Variants in NEXMIF observed in about 807,000 individuals in gnomAD.
NEXMIF encodes XLMR protein related to neurite extension.
Under a neutral mutation model 62.1 loss-of-function variants are expected in NEXMIF, and 8 were observed. That is an observed-to-expected ratio of 0.13 (90% CI 0.08 to 0.23). The LOEUF (loss-of-function observed/expected upper bound fraction) is 0.23. Among genes scored for constraint, NEXMIF ranks in the 10% least tolerant of loss-of-function variants. The pLI is 1.00. For missense variants in NEXMIF, 976 were observed against 1,113.3 expected (o/e 0.88, Z 1.75); for synonymous variants, 404 against 416.6 (o/e 0.97, Z 0.37).
At chrX:74,863,441 C>G (rs973865621) in intron 1 of NEXMIF, among the ~76,000 whole-genome samples, 5 of 111,337 alleles carry the variant, frequency 4.5e-5, no homozygotes, top group African/African-American at 1.6e-4. Flanking sequence ...AAAGATATCA[C>G]CACTGACTCC....
chrX:74,823,880 A>G (rs752218933), intron 1 of NEXMIF, among the ~76,000 whole-genome samples: 11 of 111,678 alleles, frequency 9.8e-5, no homozygotes, highest in African/African-American at 1.9e-4. Flanking sequence ...ATTCTTGCAA[A>G]TTTTCTGTAA....
chrX:74,836,037 G>C (rs1044935393), intron 1 of NEXMIF, among the ~76,000 whole-genome samples: 1 of 112,805 alleles, frequency 8.9e-6, no homozygotes, highest in Non-Finnish European at 1.9e-5. Context: ...CAGGCAGAGA[G>C]GCCTCTCCCT....
rs2147438927 is a variant in NEXMIF, at chrX:74,740,398, C to T, written c.4159G>A (p.Gly1387Arg). 14 of 1,211,738 alleles carry T rather than the reference C, an allele frequency of 1.2e-5. No individual in the cohort carries two copies. Among genetic ancestry groups the T allele is most frequent in the Non-Finnish European group, 1.6e-5 (14 of 895,497 alleles). ...ATTGACCTGTGATTCTTAGTGGCTC[C>T]TTGGGACCCACTGTTGATCTTTTTC... The part of the protein sequence containing the change: ...SKKKINSGSQ[G>R]ATKNHRSIKG... Residue 1387 changes from glycine (G) to arginine (R), a missense_variant, in exon 3 of 4, where the codon GGA becomes AGA. Physicochemically the swap from Gly to Arg is moderately radical, Grantham distance 125 (BLOSUM62 -2). This residue lies in a region of NEXMIF where 137 missense variants were observed against 128.9 expected (regional missense o/e 1.06). Transcript: ENST00000055682.
At chrX:74,815,932 C>A (rs1439129849) in intron 1 of NEXMIF, among the ~76,000 whole-genome samples, 1 of 111,336 alleles carries the variant, frequency 9.0e-6, no homozygotes, top group Non-Finnish European at 1.9e-5. Flanking sequence ...CCGTGCCTGG[C>A]CTACAACTAC....
intron 1 of NEXMIF, among the ~76,000 whole-genome samples, chrX:74,887,929 A>C (rs35426093): frequency 0.15 from 16,450 of 111,896 alleles, 1,790 homozygotes; most frequent in East Asian, 0.91. Flanking sequence ...GGATTAAGAA[A>C]ATGTGGCACA....
intron 1 of NEXMIF, among the ~76,000 whole-genome samples, chrX:74,812,305 C>T (rs1018949151): frequency 2.7e-5 from 3 of 111,904 alleles, no homozygotes; most frequent in Non-Finnish European, 3.8e-5. Flanking sequence ...CACACATATA[C>T]ATATATCTCT....
At chrX:74,829,854 T>A (rs1014878714) in intron 1 of NEXMIF, among the ~76,000 whole-genome samples, 1 of 112,204 alleles carries the variant, frequency 8.9e-6, no homozygotes, top group East Asian at 2.8e-4. Context: ...TTCTTCTTTT[T>A]GGAAATGTCT....
intron 1 of NEXMIF, among the ~76,000 whole-genome samples, chrX:74,750,930 A>C (rs2080140143): frequency 9.0e-6 from 1 of 111,664 alleles, no homozygotes; most frequent in African/African-American, 3.3e-5. Context: ...TCTCATGATA[A>C]AGATTCCAAA....
rs2080087840 is a variant in NEXMIF at position 74,737,273 on chromosome X, A to AAACAAT, written c.*2131_*2132insATTGTT. ...AAATCAAAAACAAAAACAAAAACAA[A>AAACAAT]ACAAAGACCAGTTTCTAGGGACTGG... is the stretch of plus-strand genomic sequence containing the variant. On this transcript the variant is annotated 3_prime_UTR_variant, in exon 4 of 4. Transcript: ENST00000055682. The AAACAAT allele has an allele frequency of 9.0e-6, 1 of 111,349 alleles. No individual in the cohort carries two copies. Among genetic ancestry groups the AAACAAT allele is most frequent in the South Asian group, 3.8e-4 (1 of 2,644 alleles). 9.2% of individuals were successfully genotyped at this position (111,349 alleles called of 1,213,427 possible).
rs767339824 is a variant in NEXMIF at position 74,877,783 on chromosome X, C to T, written c.-48+47100G>A. 8.0e-5 allele frequency among the ~76,000 whole-genome samples: 9 copies of T among 112,015 alleles called. No homozygotes were observed. The South Asian group carries it at 2.6e-3, about 33-fold the overall frequency. ...TACCGTTTCTTGCAGTTGATCGCAT[C>T]GGCTCCTGAGGCTTCTGCATTCTTC... On this transcript the variant is annotated intron_variant, in intron 1 of 3. Coordinates refer to ENST00000055682, the MANE Select transcript of NEXMIF (RefSeq NM_001008537.3).
intron 1 of NEXMIF, among the ~76,000 whole-genome samples, chrX:74,873,496 G>T (rs1219288653): frequency 8.9e-6 from 1 of 112,013 alleles, no homozygotes; most frequent in East Asian, 2.8e-4. Flanking sequence ...AGTCCTTTGG[G>T]TATATACCCA....
chrX:74,838,456 T>C (rs1426805396), intron 1 of NEXMIF, among the ~76,000 whole-genome samples: 1 of 112,670 alleles, frequency 8.9e-6, no homozygotes, highest in Non-Finnish European at 1.9e-5. Flanking sequence ...AATCAGGTTT[T>C]TAAAGCATAC....
At chrX:74,747,315 G>T (rs771857117) in intron 1 of NEXMIF, among the ~76,000 whole-genome samples, 84 of 111,381 alleles carry the variant, frequency 7.5e-4, no homozygotes, top group Non-Finnish European at 3.8e-4. Context: ...CCAAGGTATG[G>T]AAAGAGAGAC....
At chrX:74,799,202 C>T (rs2080321681) in intron 1 of NEXMIF, among the ~76,000 whole-genome samples, 1 of 110,344 alleles carries the variant, frequency 9.1e-6, no homozygotes, top group South Asian at 3.9e-4. Context: ...GTTGTTGAGT[C>T]AATAAAACTA....
chrX:74,900,179 A>C (rs2147369055), intron 1 of NEXMIF, among the ~76,000 whole-genome samples: 1 of 111,412 alleles, frequency 9.0e-6, no homozygotes, highest in Admixed American at 9.5e-5. Context: ...TATTGAAAAA[A>C]CAGGGCCAGG....
chrX:74,921,324 C>A (rs1277730465), intron 1 of NEXMIF, among the ~76,000 whole-genome samples: 1 of 111,075 alleles, frequency 9.0e-6, no homozygotes, highest in Non-Finnish European at 1.9e-5. Flanking sequence ...CTTTCCCCAA[C>A]CCTCCACTTT....
intron 1 of NEXMIF, among the ~76,000 whole-genome samples, chrX:74,808,596 A>T (rs1345097978): frequency 1.8e-5 from 2 of 112,161 alleles, no homozygotes; most frequent in African/African-American, 6.5e-5. Context: ...TAAGTTAGGA[A>T]GTATTCCATC....
At position 74,740,253 on chromosome X, in the gene NEXMIF, C is replaced by T. The variant is rs1191839167; in HGVS notation, c.4304G>A (p.Ser1435Asn). 1 of 1,211,379 alleles carries T rather than the reference C, an allele frequency of 8.3e-7. No homozygotes were observed. Among genetic ancestry groups the T allele is most frequent in the African/African-American group, 1.7e-5 (1 of 57,635 alleles). The change falls in exon 3 of 4, where the codon AGC becomes AAC. Residue 1435 changes from serine to asparagine, a missense_variant. This residue lies in a region of NEXMIF where 137 missense variants were observed against 128.9 expected (regional missense o/e 1.06). Transcript: ENST00000055682. ...TGTCGGTCCGTTATTGCCTAAAGTG[C>T]TCATGTTACTATACTTTTTATCAAA... is the stretch of plus-strand genomic sequence containing the variant. ...TFFDKKYSNM[S>N]TLGNNGPTHK...
chrX:74,844,703 T>TGGCTTTA (rs2080485908), intron 1 of NEXMIF, among the ~76,000 whole-genome samples: 2 of 112,047 alleles, frequency 1.8e-5, no homozygotes, highest in South Asian at 7.5e-4. Context: ...TCTATACTTT[T>TGGCTTTA]GGCTTTAACT....
Sources: allele counts gnomAD v4.1 joint callset (sites outside exome capture counted in the v4.1 genomes callset), GRCh38; gene constraint gnomAD v4.1.1; regional missense constraint gnomAD v4.1.1; transcripts MANE v1.5; gene names NCBI Gene and HGNC (gene_info 2026-07-23, HGNC 2026-07-21).